Variants in CDON observed in about 807,000 individuals in gnomAD.
The protein encoded by CDON is cell adhesion molecule-related/down-regulated by oncogenes.
Under a neutral mutation model 120.9 loss-of-function variants are expected in CDON, and 73 were observed. The ratio of observed to expected loss-of-function variants is 0.60; its 90% CI spans 0.50 to 0.73. The LOEUF (loss-of-function observed/expected upper bound fraction) is 0.73, where lower values mean the gene tolerates loss of function less well. Ranked by LOEUF, CDON falls within the 30% of genes least tolerant of loss-of-function variation. The pLI is 0.00. For missense variants in CDON, 1,470 were observed against 1,587.3 expected, an observed-to-expected ratio of 0.93 and a Z score of 1.26; for synonymous variants, 566 against 573.5, an observed-to-expected ratio of 0.99 and a Z score of 0.19.
intron 8 of CDON, among the ~76,000 whole-genome samples, chr11:126,009,158 C>A (rs1947218109): frequency 6.6e-6 from 1 of 152,218 alleles, no homozygotes. Flanking sequence ...TCAGCCTCCA[C>A]ATCTCTCCCA....
In CDON at chr11:126,017,495, G is replaced by C. The variant is rs1260479715; in HGVS notation, c.641-120C>G. On this transcript the variant is annotated intron_variant, in intron 5 of 19. Coordinates refer to ENST00000531738, the MANE Select transcript of CDON (RefSeq NM_001378964.1). ...TCTTTATACTACAAGGTCCTATTTG[G>C]TGGTTAAATCCTTTTTAGTTGAGGA... 7.7e-5 allele frequency: 75 copies of C among 973,332 alleles called. 1 individual carries two copies. In the South Asian group the frequency reaches 8.9e-4, roughly 12 times the overall value. 60.3% of individuals were successfully genotyped at this position (973,332 alleles called of 1,614,324 possible). A position where few individuals can be genotyped will look rare whatever the true frequency, so the allele number is the denominator to read the frequency against.
chr11:125,960,961 T>A lies in CDON; in HGVS notation c.3776A>T (p.Gln1259Leu), dbSNP rs1461029725. 18 of 1,614,132 alleles carry A rather than the reference T, an allele frequency of 1.1e-5. No homozygotes were observed. Among genetic ancestry groups the A allele is most frequent in the Non-Finnish European group, 1.5e-5 (18 of 1,180,056 alleles). ...IPLDSPTEVL[Q>L]QPRET ...ATGTCCTCAGGTTTCCCGGGGCTGCTGAAGGACCTCTGTCGGGCTGTCTAA... is the reference window on the plus strand; with the variant it reads ...ATGTCCTCAGGTTTCCCGGGGCTGCAGAAGGACCTCTGTCGGGCTGTCTAA... The change falls in exon 20 of 20, where the codon CAG becomes CTG. Residue 1259 changes from glutamine to leucine, a missense_variant. By Grantham distance (113) the Gln-to-Leu change is moderately radical (BLOSUM62 -2). Transcript: ENST00000531738.
At chr11:126,016,896 C>A (rs371512328) in intron 6 of CDON, among the ~76,000 whole-genome samples, 192 bp downstream of exon 6, 1 of 151,892 alleles carries the variant, frequency 6.6e-6, no homozygotes, top group Admixed American at 6.6e-5. Context: ...ATATTCCATG[C>A]GAAATGCTCT....
At chr11:125,976,474 C>T (rs1269730851) in intron 18 of CDON, among the ~76,000 whole-genome samples, 1 of 151,956 alleles carries the variant, frequency 6.6e-6, no homozygotes, top group African/African-American at 2.4e-5. Context: ...ACAGTAAAAC[C>T]CACACACATG....
intron 15 of CDON, among the ~76,000 whole-genome samples, chr11:125,986,284 C>T (rs1310618999): frequency 1.3e-5 from 2 of 151,924 alleles, no homozygotes; most frequent in Admixed American, 6.5e-5. Context: ...ACATCACACA[C>T]TGGGGCCTGT....
intron 1 of CDON, among the ~76,000 whole-genome samples, chr11:126,040,902 A>G (rs115052097): frequency 0.032 from 4,483 of 139,060 alleles, 225 homozygotes; most frequent in African/African-American, 0.11. Context: ...CAGTAAAAAC[A>G]TGGGCAGGCT....
chr11:126,026,880 T>C (rs1947806576), intron 1 of CDON, among the ~76,000 whole-genome samples: 1 of 152,246 alleles, frequency 6.6e-6, no homozygotes, highest in Non-Finnish European at 1.5e-5. Context: ...AGAAGGATTG[T>C]TTCTTCCTTT....
Position 126,031,003 on chromosome 11 carries a change from T to C in CDON, c.-61-7466A>G, listed in dbSNP as rs1947927926. Among the ~76,000 whole-genome samples the C allele has an allele frequency of 3.3e-5, 5 of 152,142 alleles. No individual in the cohort carries two copies. In the South Asian group the frequency reaches 6.2e-4, roughly 19 times the overall value. On this transcript the variant is annotated intron_variant, in intron 1 of 19. Transcript: ENST00000531738. Reference sequence around the variant, plus strand: ...AGAACCTATGAGGGGTGCAAAGATATACCAAACTAAAGGAAACTGCTCAAC... The same window carrying C: ...AGAACCTATGAGGGGTGCAAAGATACACCAAACTAAAGGAAACTGCTCAAC...
At chr11:126,039,621 A>G (rs772018629) in intron 1 of CDON, among the ~76,000 whole-genome samples, 15 of 152,140 alleles carry the variant, frequency 9.9e-5, no homozygotes, top group Non-Finnish European at 2.1e-4. Context: ...ACTGCTCAAC[A>G]CCACACATTT....
rs1478455189 is a variant in CDON, at chr11:125,993,002, G to A, written c.2650+1282C>T. On this transcript the variant is annotated intron_variant, in intron 14 of 19. Transcript: ENST00000531738. ...CTTCAATTGAGCACTTCCAACATTA[G>A]GGAGTTTACGACTTTGTGGGGGAAC... Among the ~76,000 whole-genome samples, 6 of 152,190 alleles carry A rather than the reference G, an allele frequency of 3.9e-5. No homozygotes were observed. The South Asian group carries it at 1.2e-3, about 32-fold the overall frequency.
At chr11:125,986,426 TA>T (rs1946460803) in intron 15 of CDON, among the ~76,000 whole-genome samples, 3 of 151,828 alleles carry the variant, frequency 2.0e-5, no homozygotes, top group African/African-American at 7.3e-5. Context: ...AACTTAAAAG[TA>T]TAATTTAAAA....
chr11:126,011,039 A>AAAAATGTGT, intron 7 of CDON: 1 of 373,404 alleles, frequency 2.7e-6, no homozygotes, highest in Non-Finnish European at 5.2e-6. Context: ...CCTTAACAGG[A>AAAAATGTGT]AAAATGTGTA....
chr11:126,012,257 A>G (rs1300353062), intron 7 of CDON, among the ~76,000 whole-genome samples: 1 of 152,194 alleles, frequency 6.6e-6, no homozygotes, highest in East Asian at 1.9e-4. Context: ...TTTAGACCAG[A>G]TAACTATATA....
intron 11 of CDON, among the ~76,000 whole-genome samples, chr11:126,000,884 T>C (rs2134565974): frequency 6.6e-6 from 1 of 152,326 alleles, no homozygotes; most frequent in South Asian, 2.1e-4. Flanking sequence ...CTAGATGTCC[T>C]GCCTGATGTT....
At chr11:126,015,709 A>G (rs930407632) in intron 6 of CDON, among the ~76,000 whole-genome samples, 199 bp from the exon 7 acceptor site, 4 of 152,200 alleles carry the variant, frequency 2.6e-5, no homozygotes, top group African/African-American at 9.7e-5. Flanking sequence ...TATGTTGCTA[A>G]TAAGATATAG....
intron 1 of CDON, among the ~76,000 whole-genome samples, chr11:126,031,767 G>A (rs1439487420): frequency 1.3e-5 from 2 of 152,108 alleles, no homozygotes; most frequent in African/African-American, 4.8e-5. Flanking sequence ...GTTTGAATGC[G>A]AGGTAACTAC....
intron 1 of CDON, among the ~76,000 whole-genome samples, chr11:126,061,061 T>C (rs1196316561): frequency 6.6e-6 from 1 of 152,206 alleles, no homozygotes; most frequent in Non-Finnish European, 1.5e-5. Context: ...TAGTAACTGA[T>C]TCTCCTGGCT....
chr11:125,979,559 A>T (rs528465423), intron 17 of CDON, among the ~76,000 whole-genome samples: 1 of 152,204 alleles, frequency 6.6e-6, no homozygotes, highest in South Asian at 2.1e-4. Flanking sequence ...AAAGTAAGAA[A>T]ACGAATAATT....
At chr11:125,981,975 T>TTTTTTTTTTTTA in intron 16 of CDON, among the ~76,000 whole-genome samples, 1 of 93,338 alleles carries the variant, frequency 1.1e-5, no homozygotes, top group African/African-American at 6.0e-5. Flanking sequence ...ATTTTCTTTT[T>TTTTTTTTTTTTA]TTTTTTTTTT....
Sources: gnomAD v4.1 joint callset for allele counts (sites outside exome capture counted in the v4.1 genomes callset) on GRCh38, gnomAD v4.1.1 for gene constraint, MANE v1.5 for transcripts, NCBI Gene and HGNC (gene_info 2026-07-23, HGNC 2026-07-21) for gene names.